The following TMEM131L variants were observed in gnomAD, a reference collection of about 807,000 sequenced individuals.
The protein encoded by TMEM131L is transmembrane 131 like.
A neutral mutation model predicts 192.2 loss-of-function variants in TMEM131L; 54 were observed. That is an observed-to-expected ratio of 0.28 (90% CI 0.23 to 0.35). The LOEUF (loss-of-function observed/expected upper bound fraction) is 0.35, where lower values mean the gene tolerates loss of function less well. Among genes scored for constraint, TMEM131L ranks in the 10% least tolerant of loss-of-function variants. The pLI is 1.00. For missense variants in TMEM131L, 1,888 were observed against 1,972.9 expected, an observed-to-expected ratio of 0.96 and a Z score of 0.82; for synonymous variants, 701 against 704.9, an observed-to-expected ratio of 0.99 and a Z score of 0.09.
intron 26 of TMEM131L, among the ~76,000 whole-genome samples, chr4:153,617,936 A>C (rs1733110173): frequency 1.3e-5 from 2 of 149,662 alleles, no homozygotes; most frequent in African/African-American, 4.9e-5. Context: ...TTTCTTTTGA[A>C]TGTTTTATTC....
intron 18 of TMEM131L, 47 bp from the exon 19 acceptor site, chr4:153,593,752 C>A: frequency 8.3e-7 from 1 of 1,210,558 alleles, no homozygotes; most frequent in South Asian, 1.2e-5. Flanking sequence ...TCTTTCTTTA[C>A]TGGCAGATGT....
chr4:153,479,365 A>G (rs912441489), intron 3 of TMEM131L, among the ~76,000 whole-genome samples: 8 of 152,196 alleles, frequency 5.3e-5, no homozygotes, highest in Non-Finnish European at 1.2e-4. Flanking sequence ...GTATTCTCAA[A>G]TATCAACAGT....
intron 3 of TMEM131L, among the ~76,000 whole-genome samples, chr4:153,501,670 G>A (rs776969018): frequency 6.6e-6 from 1 of 152,100 alleles, no homozygotes; most frequent in Non-Finnish European, 1.5e-5. Flanking sequence ...TATCAGTTAG[G>A]ATTAGGACCA....
At chr4:153,561,963 C>CA (rs11384119) in intron 7 of TMEM131L, among the ~76,000 whole-genome samples, 47,474 of 141,790 alleles carry the variant, frequency 0.33, 8,138 homozygotes, top group African/African-American at 0.43. Flanking sequence ...ATCTGAATAT[C>CA]AAAAAAAAAA....
At chr4:153,539,383 T>C (rs771416271) in intron 3 of TMEM131L, among the ~76,000 whole-genome samples, 1 of 152,198 alleles carries the variant, frequency 6.6e-6, no homozygotes, top group Non-Finnish European at 1.5e-5. Flanking sequence ...AATTATACTT[T>C]ATGGGCAAGT....
At chr4:153,501,383 G>A (rs1277289607) in intron 3 of TMEM131L, among the ~76,000 whole-genome samples, 1 of 151,984 alleles carries the variant, frequency 6.6e-6, no homozygotes, top group Non-Finnish European at 1.5e-5. Context: ...TGTATTTTTA[G>A]GAGAGACAGG....
chr4:153,535,131 G>A (rs1371382330), intron 3 of TMEM131L, among the ~76,000 whole-genome samples: 1 of 152,224 alleles, frequency 6.6e-6, no homozygotes, highest in African/African-American at 2.4e-5. Context: ...CTTGGATCAG[G>A]TGTGGCAGTG....
intron 30 of TMEM131L, 55 bp downstream of exon 30, chr4:153,626,280 C>T (rs1272359377): frequency 5.1e-5 from 56 of 1,098,926 alleles, no homozygotes; most frequent in Non-Finnish European, 7.6e-5. Flanking sequence ...GCTTTTTCTA[C>T]CAATTATTGT....
chr4:153,587,818 AT>A lies in TMEM131L; in HGVS notation c.1552+11del. 6.2e-7 allele frequency: 1 copy of A among 1,607,862 alleles called. No individual in the cohort carries two copies. Among genetic ancestry groups the A allele is most frequent in the Non-Finnish European group, 8.5e-7 (1 of 1,174,404 alleles). ...ATGGGAAAATCAAAAGCAGGTAAGT[AT>A]TTTGCCCTTAGGCTTTCTGTAGATC... is the stretch of plus-strand genomic sequence containing the variant. On this transcript the variant is annotated splice_region_variant and intron_variant, in intron 15 of 34. Coordinates refer to ENST00000409959, the MANE Select transcript of TMEM131L (RefSeq NM_001131007.2).
chr4:153,550,415 C>T (rs943480908), intron 4 of TMEM131L, among the ~76,000 whole-genome samples: 1 of 152,132 alleles, frequency 6.6e-6, no homozygotes, highest in East Asian at 1.9e-4. Flanking sequence ...CAAGCTCTGC[C>T]TCCCGGGTTT....
chr4:153,626,314 G>A, intron 30 of TMEM131L, 89 bp downstream of exon 30: 1 of 847,346 alleles, frequency 1.2e-6, no homozygotes, highest in Non-Finnish European at 1.9e-6. Context: ...ACTTGGTTCT[G>A]CAGGTTAAAA....
At chr4:153,568,248 G>C (rs1241194287) in intron 7 of TMEM131L, among the ~76,000 whole-genome samples, 1 of 152,166 alleles carries the variant, frequency 6.6e-6, no homozygotes, top group African/African-American at 2.4e-5. Context: ...GAAGACTCTA[G>C]AAAGAATACC....
intron 3 of TMEM131L, among the ~76,000 whole-genome samples, chr4:153,547,709 G>T (rs889334949): frequency 6.6e-6 from 1 of 152,222 alleles, no homozygotes; most frequent in African/African-American, 2.4e-5. Context: ...TTCCCAAGCC[G>T]TCATCAGCAG....
chr4:153,545,171 A>G (rs1016097111), intron 3 of TMEM131L, among the ~76,000 whole-genome samples: 2 of 152,040 alleles, frequency 1.3e-5, no homozygotes, highest in Non-Finnish European at 2.9e-5. Context: ...CAGCTTGCTC[A>G]TTTTGTTGAA....
chr4:153,480,448 A>T (rs1439727314), intron 3 of TMEM131L, among the ~76,000 whole-genome samples: 1 of 131,708 alleles, frequency 7.6e-6, no homozygotes, highest in African/African-American at 2.9e-5. Flanking sequence ...TGAACTCAGG[A>T]GGTGGAGGTT....
chr4:153,617,407 T>C (rs1181188511), intron 26 of TMEM131L, among the ~76,000 whole-genome samples: 1 of 152,248 alleles, frequency 6.6e-6, no homozygotes, highest in African/African-American at 2.4e-5. Flanking sequence ...GACAGATTGC[T>C]TTCCAGAAAG....
intron 2 of TMEM131L, among the ~76,000 whole-genome samples, chr4:153,469,637 T>C (rs1180285845): frequency 1.3e-5 from 2 of 152,110 alleles, no homozygotes; most frequent in East Asian, 3.8e-4. Context: ...TGGCATTAAA[T>C]AAAATACTGG....
chr4:153,478,844 T>C (rs1236911794), intron 3 of TMEM131L, among the ~76,000 whole-genome samples: 1 of 152,224 alleles, frequency 6.6e-6, no homozygotes, highest in Non-Finnish European at 1.5e-5. Flanking sequence ...ATGATTTTAA[T>C]TTTAATAACT....
At chr4:153,547,003 A>T (rs558801259) in intron 3 of TMEM131L, among the ~76,000 whole-genome samples, 1 of 152,362 alleles carries the variant, frequency 6.6e-6, no homozygotes, top group East Asian at 1.9e-4. Context: ...TGTCTGAAAT[A>T]GTTTTACCTG....
Sources: allele counts gnomAD v4.1 joint callset (sites outside exome capture counted in the v4.1 genomes callset), GRCh38; gene constraint gnomAD v4.1.1; transcripts MANE v1.5; gene names NCBI Gene and HGNC (gene_info 2026-07-23, HGNC 2026-07-21).